The following WDFY4 variants were observed in gnomAD, a reference collection of about 807,000 sequenced individuals.
WDFY4 encodes WDFY family member 4.
A neutral mutation model predicts 351.9 loss-of-function variants in WDFY4; 169 were observed. That is an observed-to-expected ratio of 0.48 (90% CI 0.42 to 0.55). The LOEUF (loss-of-function observed/expected upper bound fraction) is 0.55. Ranked by LOEUF, WDFY4 falls within the 20% of genes least tolerant of loss-of-function variation. WDFY4 has a pLI of 0.00. For missense variants in WDFY4, 3,803 were observed against 3,935.6 expected (o/e 0.97, Z 0.90); for synonymous variants, 1,622 against 1,574.6 (o/e 1.03, Z -0.71).
intron 22 of WDFY4, among the ~76,000 whole-genome samples, 153 bp downstream of exon 22, chr10:48,790,138 A>G (rs1056871398): frequency 1.3e-5 from 2 of 152,216 alleles, no homozygotes; most frequent in African/African-American, 2.4e-5. Flanking sequence ...ATCCAGCCAG[A>G]GAGTTAGTCT....
chr10:48,745,939 G>T, intron 12 of WDFY4: 1 of 215,172 alleles, frequency 4.6e-6, no homozygotes, highest in Non-Finnish European at 9.3e-6. Flanking sequence ...GGCCTCATCA[G>T]GGTTGGTGCT....
At chr10:48,724,140 T>C (rs1035127550) in intron 5 of WDFY4, among the ~76,000 whole-genome samples, 3 of 152,168 alleles carry the variant, frequency 2.0e-5, no homozygotes, top group Admixed American at 2.0e-4. Context: ...CTTCTGAGAC[T>C]CTGAGCTCTC....
intron 39 of WDFY4, among the ~76,000 whole-genome samples, chr10:48,834,687 A>G (rs1420665551): frequency 6.6e-6 from 1 of 152,176 alleles, no homozygotes; most frequent in East Asian, 1.9e-4. Flanking sequence ...CATTGTCCCC[A>G]GGAGGTCAGG....
rs556029899 is a variant in WDFY4, at chr10:48,780,979, C to T, written c.3576+860C>T. Among the ~76,000 whole-genome samples the T allele has an allele frequency of 2.0e-5, 3 of 152,278 alleles. No individual in the cohort carries two copies. In the South Asian group the frequency reaches 6.2e-4, roughly 32 times the overall value. On this transcript the variant is annotated intron_variant, in intron 19 of 61. Coordinates refer to ENST00000325239, the MANE Select transcript of WDFY4 (RefSeq NM_001394531.1). ...GCCAGAATGGAGAACCTTACATACA[C>T]AGGGTTTCTGGATTCCCCCTAAATG...
chr10:48,723,380 G>T, intron 4 of WDFY4, 53 bp from the exon 5 acceptor site: 1 of 1,539,032 alleles, frequency 6.5e-7, no homozygotes, highest in South Asian at 1.2e-5. Flanking sequence ...GGTCTGGGCT[G>T]ACCTGCTTCT....
intron 47 of WDFY4, among the ~76,000 whole-genome samples, chr10:48,926,675 T>C (rs1238389364): frequency 6.6e-6 from 1 of 152,238 alleles, no homozygotes; most frequent in East Asian, 1.9e-4. Flanking sequence ...ACCATATATA[T>C]GTGGGTATAT....
intron 12 of WDFY4, among the ~76,000 whole-genome samples, chr10:48,753,824 C>A (rs1379424424): frequency 2.6e-5 from 4 of 152,182 alleles, no homozygotes; most frequent in African/African-American, 9.7e-5. Flanking sequence ...ATTGCTTTGG[C>A]TTCTTAGGGT....
At chr10:48,821,281 C>A in intron 34 of WDFY4, 105 bp downstream of exon 34, 1 of 886,482 alleles carries the variant, frequency 1.1e-6, no homozygotes, top group Non-Finnish European at 1.8e-6. Flanking sequence ...TGGGATGCTG[C>A]CTCCACCTGG....
intron 51 of WDFY4, among the ~76,000 whole-genome samples, chr10:48,951,500 G>T (rs1326520635): frequency 6.6e-6 from 1 of 152,086 alleles, no homozygotes; most frequent in Non-Finnish European, 1.5e-5. Flanking sequence ...TAGCAGCCTG[G>T]AACTCCAGGG....
intron 47 of WDFY4, among the ~76,000 whole-genome samples, chr10:48,911,336 T>C (rs1284716239): frequency 6.6e-6 from 1 of 152,244 alleles, no homozygotes; most frequent in Non-Finnish European, 1.5e-5. Context: ...TAGGCGTATG[T>C]GTGTAAACCT....
At chr10:48,810,072 G>A (rs1365971248) in intron 28 of WDFY4, among the ~76,000 whole-genome samples, 2 of 152,106 alleles carry the variant, frequency 1.3e-5, no homozygotes, top group Non-Finnish European at 2.9e-5. Flanking sequence ...TGCTAAAACT[G>A]ATAAAAATGC....
At position 48,913,783 on chromosome 10, in the gene WDFY4, C is replaced by T. The variant is rs776174712; in HGVS notation, c.7586+11920C>T. On this transcript the variant is annotated intron_variant, in intron 47 of 61. Coordinates refer to ENST00000325239, the MANE Select transcript of WDFY4 (RefSeq NM_001394531.1). Reference sequence around the variant, plus strand: ...AGGTGGTTCAAGCCTAGGTTCACAGCGCGGATGTTCTTGAGTTGCTTCAGC... The same window carrying T: ...AGGTGGTTCAAGCCTAGGTTCACAGTGCGGATGTTCTTGAGTTGCTTCAGC... 47 of 1,613,938 alleles carry T rather than the reference C, an allele frequency of 2.9e-5. 1 individual carries two copies. In the Admixed American group the frequency reaches 3.0e-4, roughly 10 times the overall value.
At chr10:48,889,685 C>T (rs757291484) in intron 43 of WDFY4, among the ~76,000 whole-genome samples, 7 of 152,156 alleles carry the variant, frequency 4.6e-5, no homozygotes, top group Non-Finnish European at 1.0e-4. Context: ...ATCCTTACCA[C>T]ATGCAGAACT....
chr10:48,712,187 T>C (rs899469007), intron 2 of WDFY4, among the ~76,000 whole-genome samples: 1 of 152,254 alleles, frequency 6.6e-6, no homozygotes, highest in South Asian at 2.1e-4. Context: ...AGTTGTGTGC[T>C]GTTGAGCAAG....
chr10:48,974,527 A>ACAAC (rs1554824264), intron 57 of WDFY4, among the ~76,000 whole-genome samples: 4 of 23,148 alleles, frequency 1.7e-4, no homozygotes, highest in African/African-American at 2.2e-4. Context: ...AAAAAAAAAA[A>ACAAC]AACAACTCAT....
At chr10:48,839,453 A>C (rs2068520881) in intron 39 of WDFY4, among the ~76,000 whole-genome samples, 2 of 152,180 alleles carry the variant, frequency 1.3e-5, no homozygotes, top group African/African-American at 4.8e-5. Flanking sequence ...ACTTTAAGAG[A>C]GGGATTTGGA....
chr10:48,832,482 C>T (rs1589713488), intron 38 of WDFY4, 91 bp from the exon 39 acceptor site: 5 of 1,397,006 alleles, frequency 3.6e-6, no homozygotes, highest in Non-Finnish European at 3.8e-6. Flanking sequence ...GGGGCTCATG[C>T]CCCTGGCTGG....
intron 12 of WDFY4, among the ~76,000 whole-genome samples, chr10:48,754,379 A>T (rs1007411265): frequency 7.9e-5 from 12 of 151,740 alleles, no homozygotes; most frequent in Non-Finnish European, 1.8e-4. Flanking sequence ...TGCTTTTCCC[A>T]TGGATGTCTG....
intron 29 of WDFY4, 112 bp downstream of exon 29, chr10:48,810,847 A>G (rs1235258360): frequency 1.7e-6 from 2 of 1,166,858 alleles, no homozygotes; most frequent in Non-Finnish European, 1.2e-6. Flanking sequence ...GTGCAGCAGG[A>G]TCACCTCGAG....
Sources: gnomAD v4.1 joint callset for allele counts (sites outside exome capture counted in the v4.1 genomes callset) on GRCh38, gnomAD v4.1.1 for gene constraint, MANE v1.5 for transcripts, NCBI Gene and HGNC (gene_info 2026-07-23, HGNC 2026-07-21) for gene names.